The following VSTM4 variants were observed in gnomAD, a reference collection of about 807,000 sequenced individuals.
The protein encoded by VSTM4 is V-set and transmembrane domain-containing protein 4.
VSTM4 carries 20 observed loss-of-function variants against 36.4 expected under a neutral mutation model. The ratio of observed to expected loss-of-function variants is 0.55; its 90% confidence interval spans 0.39 to 0.80. VSTM4 has a LOEUF of 0.80. Among genes scored for constraint, VSTM4 ranks in the 30% least tolerant of loss-of-function variants. The pLI is 0.00. For missense variants in VSTM4, 392 were observed against 404.5 expected (o/e 0.97, Z 0.26); for synonymous variants, 182 against 173.9 (o/e 1.05, Z -0.37).
chr10:49,033,951 C>T (rs1441170593), intron 7 of VSTM4, among the ~76,000 whole-genome samples: 2 of 146,500 alleles, frequency 1.4e-5, no homozygotes, highest in Admixed American at 7.0e-5. Context: ...TCATTATCAC[C>T]ATTACCATTA....
intron 5 of VSTM4, among the ~76,000 whole-genome samples, chr10:49,061,297 C>T (rs909669954): frequency 6.6e-6 from 1 of 151,998 alleles, no homozygotes; most frequent in African/African-American, 2.4e-5. Context: ...TTTTTCAGCC[C>T]AGGATATGGT....
chr10:49,069,022 C>T (rs553326207), intron 4 of VSTM4, among the ~76,000 whole-genome samples: 15 of 152,126 alleles, frequency 9.9e-5, no homozygotes, highest in Middle Eastern at 3.4e-3. Context: ...CTCCCTACCA[C>T]CCCCACCCTT....
At position 49,085,968 on chromosome 10, in the gene VSTM4, C is replaced by A; in HGVS notation, c.513G>T (p.Trp171Cys). 1.9e-6 allele frequency: 3 copies of A among 1,588,062 alleles called. No individual in the cohort carries two copies. Among genetic ancestry groups the A allele is most frequent in the Non-Finnish European group, 2.6e-6 (3 of 1,169,074 alleles). ...TACAAGCTTTACCTTCAAAAAATGC[C>A]CAAGTCTCTTTTGTTTTCTCAAAGG... ...ESSFEKTKET[W>C]AFFEDLYVYA... The change falls in exon 3 of 8, where the codon TGG (tryptophan) becomes TGT (cysteine). Residue 171 changes from tryptophan (W) to cysteine (C), a missense_variant. Physicochemically the swap from Trp to Cys is radical, Grantham distance 215. Transcript: ENST00000332853.
chr10:49,081,940 C>T (rs56291725), intron 3 of VSTM4, among the ~76,000 whole-genome samples: 41,761 of 152,136 alleles, frequency 0.27, 5,909 homozygotes, highest in Admixed American at 0.35. Flanking sequence ...GAATTTTTTT[C>T]CCTTCTGTTA....
In VSTM4 at chr10:49,019,743, G is replaced by A. The variant is rs374133101; in HGVS notation, c.870C>T (p.Ala290=). Residue 290 remains alanine (A), a synonymous_variant, in exon 8 of 8, where the codon GCC becomes GCT. Transcript: ENST00000332853. The stretch of plus-strand genomic sequence containing the variant: ...GGTGGGGTTTGATCAGCTCCAGTTC[G>A]GCATAGGTTAAGTTTTCCTCAGCAA... ...PKIAEENLTY[A]ELELIKPHRA... 2.2e-5 allele frequency: 36 copies of A among 1,613,558 alleles called. No homozygotes were observed. Among genetic ancestry groups the A allele is most frequent in the Middle Eastern group, 1.7e-4 (1 of 6,018 alleles).
chr10:49,067,518 C>G (rs34347666), intron 4 of VSTM4, among the ~76,000 whole-genome samples: 14,132 of 152,234 alleles, frequency 0.093, 903 homozygotes, highest in East Asian at 0.21. Flanking sequence ...AGGCTGGGCC[C>G]TTATCTAATC....
intron 7 of VSTM4, among the ~76,000 whole-genome samples, chr10:49,045,312 G>T (rs929154904): frequency 1.5e-4 from 23 of 151,652 alleles, no homozygotes; most frequent in Admixed American, 4.6e-4. Flanking sequence ...AATATCCACG[G>T]ATCCATACTG....
intron 5 of VSTM4, among the ~76,000 whole-genome samples, chr10:49,057,629 G>A (rs760021922): frequency 6.6e-6 from 1 of 152,196 alleles, no homozygotes; most frequent in Non-Finnish European, 1.5e-5. Context: ...CCTGCCTGGA[G>A]GGCTGTGGAA....
At chr10:49,075,147 T>A (rs1590109149) in intron 4 of VSTM4, among the ~76,000 whole-genome samples, 1 of 152,202 alleles carries the variant, frequency 6.6e-6, no homozygotes, top group Non-Finnish European at 1.5e-5. Context: ...GCAGCTGGGA[T>A]CCCCATTCTC....
intron 7 of VSTM4, among the ~76,000 whole-genome samples, chr10:49,038,983 C>A (rs1006073948): frequency 1.3e-5 from 2 of 152,110 alleles, no homozygotes; most frequent in Non-Finnish European, 2.9e-5. Context: ...CTCAGGACCA[C>A]CTGCAAGTAC....
chr10:49,043,855 A>T lies in VSTM4; in HGVS notation c.837+3128T>A, dbSNP rs374221022. On this transcript the variant is annotated intron_variant, in intron 7 of 7. Transcript: ENST00000332853. ...ATCCTGGTGGAGGTGAACTGGCTTT[A>T]TGCTTTTAAATTGCACTGCCATGAT... Among the ~76,000 whole-genome samples, 7 of 152,374 alleles carry T rather than the reference A, an allele frequency of 4.6e-5. No individual in the cohort carries two copies. In the East Asian group the frequency reaches 1.3e-3, roughly 29 times the overall value.
intron 5 of VSTM4, among the ~76,000 whole-genome samples, chr10:49,058,311 G>T (rs1194852145): frequency 6.6e-6 from 1 of 152,204 alleles, no homozygotes; most frequent in Non-Finnish European, 1.5e-5. Flanking sequence ...TCCTTGCCCT[G>T]CAGGAAAGAA....
At chr10:49,021,130 C>T (rs1000208522) in intron 7 of VSTM4, among the ~76,000 whole-genome samples, 1 of 150,450 alleles carries the variant, frequency 6.6e-6, no homozygotes, top group Non-Finnish European at 1.5e-5. Flanking sequence ...TTATTCAAAT[C>T]TAGTGATATT....
At chr10:49,084,550 GGAT>G (rs757381261) in intron 3 of VSTM4, among the ~76,000 whole-genome samples, 15 of 152,184 alleles carry the variant, frequency 9.9e-5, no homozygotes, top group Non-Finnish European at 2.1e-4. Context: ...TGCTCCCTAA[GGAT>G]GGCCCTCCTT....
intron 5 of VSTM4, among the ~76,000 whole-genome samples, chr10:49,056,425 C>T (rs1843780503): frequency 6.6e-6 from 1 of 152,216 alleles, no homozygotes; most frequent in African/African-American, 2.4e-5. Flanking sequence ...AGGGGTAAGG[C>T]TGTATTTGGG....
At chr10:49,077,121 G>A in intron 4 of VSTM4, 98 bp downstream of exon 4, 1 of 1,204,148 alleles carries the variant, frequency 8.3e-7, no homozygotes, top group Non-Finnish European at 1.2e-6. Flanking sequence ...GACTCACAAT[G>A]CACTTTTCCA....
intron 7 of VSTM4, among the ~76,000 whole-genome samples, chr10:49,041,879 A>G (rs1197913622): frequency 6.6e-6 from 1 of 152,254 alleles, no homozygotes; most frequent in Admixed American, 6.5e-5. Context: ...TCCCTGGGAC[A>G]TATCAATAAA....
At chr10:49,059,944 T>C (rs765552912) in intron 5 of VSTM4, among the ~76,000 whole-genome samples, 5 of 152,244 alleles carry the variant, frequency 3.3e-5, no homozygotes, top group Non-Finnish European at 5.9e-5. Flanking sequence ...CTAGGCATTT[T>C]ATCCAAATGG....
intron 5 of VSTM4, among the ~76,000 whole-genome samples, chr10:49,051,881 CATAT>C (rs1292776092): frequency 6.6e-6 from 1 of 151,976 alleles, no homozygotes; most frequent in East Asian, 1.9e-4. Context: ...CTTCCTTGTT[CATAT>C]ATAGTGTTTT....
Sources: allele counts gnomAD v4.1 joint callset (sites outside exome capture counted in the v4.1 genomes callset), GRCh38; gene constraint gnomAD v4.1.1; transcripts MANE v1.5; gene names NCBI Gene and HGNC (gene_info 2026-07-23, HGNC 2026-07-21).